Variants in FOXK1 observed in about 807,000 individuals in gnomAD.
FOXK1 encodes forkhead box K1.
A neutral mutation model predicts 51.9 loss-of-function variants in FOXK1; 19 were observed. The ratio of observed to expected loss-of-function variants is 0.37; its 90% confidence interval spans 0.26 to 0.54. The LOEUF (loss-of-function observed/expected upper bound fraction) is 0.54. Ranked by LOEUF, FOXK1 falls within the 20% of genes least tolerant of loss-of-function variation. The pLI is 0.87. For missense variants in FOXK1, 870 were observed against 1,032.7 expected, an observed-to-expected ratio of 0.84 and a Z score of 2.16; for synonymous variants, 537 against 482.6, an observed-to-expected ratio of 1.11 and a Z score of -1.48.
At position 4,734,587 on chromosome 7, in the gene FOXK1, G is replaced by T. The variant is rs139022409; in HGVS notation, c.561-6251G>T. On this transcript the variant is annotated intron_variant, in intron 1 of 8. Coordinates refer to ENST00000328914, the MANE Select transcript of FOXK1 (RefSeq NM_001037165.2). This position sits in a 1 kb window ranked among gnomAD's most constrained non-coding sequence, Gnocchi z 5.2. ...CCACCCCCCCGCTGCCCAAGTGTGC[G>T]TGGGCATCGGTGCACGGGGCTCCCT... Among the ~76,000 whole-genome samples the T allele has an allele frequency of 3.6e-3, 541 of 152,344 alleles. 2 individuals carry two copies. Among genetic ancestry groups the T allele is most frequent in the African/African-American group, 0.012 (517 of 41,590 alleles).
rs1431686018 is a variant in FOXK1 at position 4,745,265 on chromosome 7, G to A, written c.746+4242G>A. 6.6e-6 allele frequency among the ~76,000 whole-genome samples: 1 copy of A among 152,216 alleles called. No homozygotes were observed. The highest frequency in any genetic ancestry group is 2.4e-5 in the African/African-American group (1 of 41,470). ...GCCAGTCCTCATTGGCCGTGGAGTG[G>A]CTGGCTCGGTGTAGGCCGGGCTCGC... On this transcript the variant is annotated intron_variant, in intron 2 of 8. Coordinates refer to ENST00000328914, the MANE Select transcript of FOXK1 (RefSeq NM_001037165.2). This position sits in a 1 kb window ranked among gnomAD's most constrained non-coding sequence, Gnocchi z 4.3.
At chr7:4,757,282 T>TGGGCTC (rs1780865504) in intron 5 of FOXK1, 95 bp downstream of exon 5, 3 of 1,134,292 alleles carry the variant, frequency 2.6e-6, no homozygotes. Context: ...TCCGGATCTG[T>TGGGCTC]GGGCTCAGGC....
intron 7 of FOXK1, among the ~76,000 whole-genome samples, chr7:4,760,563 G>A (rs1012413717): frequency 6.6e-6 from 1 of 152,136 alleles, no homozygotes; most frequent in Non-Finnish European, 1.5e-5. Context: ...TTAAAATACT[G>A]TTCTAGGCCG....
At chr7:4,746,770 C>T (rs144366021) in intron 2 of FOXK1, among the ~76,000 whole-genome samples, 459 of 152,326 alleles carry the variant, frequency 3.0e-3, no homozygotes, top group African/African-American at 0.01. Context: ...GATTGTGGTG[C>T]GAATGTGTGA....
intron 7 of FOXK1, chr7:4,760,029 CA>C (rs10644631): frequency 0.027 from 4,001 of 150,478 alleles, 111 homozygotes; most frequent in African/African-American, 0.076. Context: ...AACCCTGTCT[CA>C]AAAAAAAAAA....
In FOXK1 at chr7:4,735,272, T is replaced by C. The variant is rs550689446; in HGVS notation, c.561-5566T>C. The stretch of plus-strand genomic sequence containing the variant: ...CTTCCAGGAGCCATCAGCTTCTGGG[T>C]GGACCTGGGAAAAACCCAGGGCTGG... On this transcript the variant is annotated intron_variant, in intron 1 of 8. Transcript: ENST00000328914. This position sits in a 1 kb window ranked among gnomAD's most constrained non-coding sequence, Gnocchi z 4.7. Among the ~76,000 whole-genome samples the C allele has an allele frequency of 1.6e-4, 24 of 152,226 alleles. No individual in the cohort carries two copies. The highest frequency in any genetic ancestry group is 7.2e-4 in the Admixed American group (11 of 15,292).
chr7:4,728,893 T>C (rs1268758395), intron 1 of FOXK1, among the ~76,000 whole-genome samples: 1 of 152,204 alleles, frequency 6.6e-6, no homozygotes, highest in African/African-American at 2.4e-5. Context: ...CAGCGTCTGG[T>C]ACTTGGTATC....
At chr7:4,739,896 G>T (rs918273724) in intron 1 of FOXK1, among the ~76,000 whole-genome samples, 2 of 152,320 alleles carry the variant, frequency 1.3e-5, no homozygotes, top group East Asian at 3.9e-4. Context: ...CAGTTGCCCT[G>T]GCAGACAGGA....
chr7:4,733,779 CGGG>C lies in FOXK1; in HGVS notation c.561-7058_561-7056del, dbSNP rs1487576451. ...GCTCTTGGGTCTGCTGTTTCTCTCA[CGGG>C]AGAGGCTGCTCTGAGGTCCCCGAAG... On this transcript the variant is annotated intron_variant, in intron 1 of 8. Transcript: ENST00000328914. The surrounding 1 kb of genome is among the most constrained non-coding windows in gnomAD (Gnocchi z 5.0). Among the ~76,000 whole-genome samples the C allele has an allele frequency of 1.3e-5, 2 of 152,216 alleles. No individual in the cohort carries two copies. The highest frequency in any genetic ancestry group is 2.4e-5 in the African/African-American group (1 of 41,466).
rs1298620667 is a variant in FOXK1, at chr7:4,682,442, A to G, written c.134A>G (p.Gln45Arg). Residue 45 changes from glutamine (Q) to arginine (R), a missense_variant, in exon 1 of 9, where the codon CAG becomes CGG. Transcript: ENST00000328914. The surrounding 1 kb of genome is among the most constrained non-coding windows in gnomAD (Gnocchi z 7.6). ...PAAAPPPAPAQPQPPPGPPPP... is the reference protein window; with the variant it reads ...PAAAPPPAPARPQPPPGPPPP... ...GCCGCACCCCCGCCGGCCCCCGCGC[A>G]GCCCCAGCCTCCGCCCGGGCCGCCG... 1.0e-6 allele frequency: 1 copy of G among 979,026 alleles called. No homozygotes were observed. The highest frequency in any genetic ancestry group is 1.2e-6 in the Non-Finnish European group (1 of 827,756). 60.6% of individuals were successfully genotyped at this position (979,026 alleles called of 1,614,324 possible).
rs994951970 is a variant in FOXK1, at chr7:4,735,465, C to T, written c.561-5373C>T. On this transcript the variant is annotated intron_variant, in intron 1 of 8. Transcript: ENST00000328914. The surrounding 1 kb of genome is among the most constrained non-coding windows in gnomAD (Gnocchi z 4.7). Reference sequence around the variant, plus strand: ...ACCAAGTCAACTTCGGAACATTTTCCTGACTCTAGAAAGAACCCCCTAGCT... The same window carrying T: ...ACCAAGTCAACTTCGGAACATTTTCTTGACTCTAGAAAGAACCCCCTAGCT... 1.3e-5 allele frequency among the ~76,000 whole-genome samples: 2 copies of T among 152,202 alleles called. No individual in the cohort carries two copies. The highest frequency in any genetic ancestry group is 2.9e-5 in the Non-Finnish European group (2 of 68,040).
Position 4,756,900 on chromosome 7 carries a change from C to A in FOXK1, c.1051-94C>A. 7.1e-7 allele frequency: 1 copy of A among 1,406,810 alleles called. No homozygotes were observed. Among genetic ancestry groups the A allele is most frequent in the Non-Finnish European group, 9.8e-7 (1 of 1,025,388 alleles). 87.1% of individuals were successfully genotyped at this position (1,406,810 alleles called of 1,614,324 possible). ...GCTCTGCACAGAGGGACGGCCTCCC[C>A]TCACCCTGGTCCCGCATCTGCTGCA... On this transcript the variant is annotated intron_variant, in intron 4 of 8. Transcript: ENST00000328914. The surrounding 1 kb of genome is among the most constrained non-coding windows in gnomAD (Gnocchi z 4.1).
At chr7:4,754,667 T>C (rs752496289) in intron 3 of FOXK1, 52 bp downstream of exon 3, 5 of 1,570,562 alleles carry the variant, frequency 3.2e-6, no homozygotes, top group East Asian at 4.6e-5. Flanking sequence ...GATCGGGCCA[T>C]AGTGACCCGG....
chr7:4,754,674 C>T lies in FOXK1; in HGVS notation c.903+59C>T, dbSNP rs1780819960. 4 of 1,546,680 alleles carry T rather than the reference C, an allele frequency of 2.6e-6. No homozygotes were observed. In the South Asian group the frequency reaches 4.7e-5, roughly 18 times the overall value. On this transcript the variant is annotated intron_variant, in intron 3 of 8. Transcript: ENST00000328914. Reference sequence around the variant, plus strand: ...TGACCCAGGATCGGGCCATAGTGACCCGGCGCGGGCGGCACAGACAGCCCA... The same window carrying T: ...TGACCCAGGATCGGGCCATAGTGACTCGGCGCGGGCGGCACAGACAGCCCA...
At chr7:4,713,071 T>C (rs2115042415) in intron 1 of FOXK1, among the ~76,000 whole-genome samples, 1 of 152,308 alleles carries the variant, frequency 6.6e-6, no homozygotes, top group African/African-American at 2.4e-5. Flanking sequence ...CTGGAGCTCA[T>C]AGATAACTTT....
At chr7:4,697,303 GGAA>G (rs200012289) in intron 1 of FOXK1, among the ~76,000 whole-genome samples, 3,908 of 152,310 alleles carry the variant, frequency 0.026, 51 homozygotes, top group Non-Finnish European at 0.041. Flanking sequence ...AACGTGCTCA[GGAA>G]GAAGATGACA....
chr7:4,759,013 G>C (rs774718203), intron 5 of FOXK1, 38 bp from the exon 6 acceptor site: 1 of 1,547,570 alleles, frequency 6.5e-7, no homozygotes, highest in Admixed American at 1.9e-5. Context: ...ATCCCTCAGC[G>C]CGGGCGCTGA....
chr7:4,741,058 GGA>G (rs1780628008), intron 2 of FOXK1, 35 bp downstream of exon 2: 10 of 1,415,694 alleles, frequency 7.1e-6, no homozygotes, highest in Admixed American at 2.9e-5. Context: ...TGGGCCCCCA[GGA>G]GAGAGGGGGA....
In FOXK1 at chr7:4,711,625, G is replaced by T. The variant is rs1780175357; in HGVS notation, c.560+28757G>T. ...CCACTCCTCGGCATTGTGTGGATGG[G>T]CGGTAGTGAGAATAATTACTAAGGG... On this transcript the variant is annotated intron_variant, in intron 1 of 8. Transcript: ENST00000328914. This position sits in a 1 kb window ranked among gnomAD's most constrained non-coding sequence, Gnocchi z 6.3. Among the ~76,000 whole-genome samples, 1 of 152,144 alleles carries T rather than the reference G, an allele frequency of 6.6e-6. No individual in the cohort carries two copies. Among genetic ancestry groups the T allele is most frequent in the Admixed American group, 6.6e-5 (1 of 15,258 alleles).
Sources: gnomAD v4.1 joint callset for allele counts (sites outside exome capture counted in the v4.1 genomes callset) on GRCh38, gnomAD v4.1.1 for gene constraint, Gnocchi (gnomAD v3.1) non-coding constraint, MANE v1.5 for transcripts, NCBI Gene and HGNC (gene_info 2026-07-23, HGNC 2026-07-21) for gene names.